MARK2: variants seen among roughly 807,000 people sequenced by gnomAD.
The protein encoded by MARK2 is microtubule affinity regulating kinase 2.
In MARK2, 16 loss-of-function variants were observed where a neutral mutation model predicts 89.8. That is an observed-to-expected ratio of 0.18 (90% CI 0.12 to 0.27). The LOEUF is 0.27. Among genes scored for constraint, MARK2 ranks in the 10% least tolerant of loss-of-function variants. The probability of loss-of-function intolerance (pLI) is 1.00; values close to 1 mark genes in which losing one functional copy is unlikely to be tolerated. For missense variants in MARK2, 621 were observed against 1,049.9 expected (o/e 0.59, Z 5.65); for synonymous variants, 382 against 399.5 (o/e 0.96, Z 0.52).
In MARK2 at chr11:63,900,750, C is replaced by T. The variant is rs759868280; in HGVS notation, c.889-30C>T. 2 of 1,613,886 alleles carry T rather than the reference C, an allele frequency of 1.2e-6. No individual in the cohort carries two copies. Among genetic ancestry groups the T allele is most frequent in the East Asian group, 4.5e-5 (2 of 44,876 alleles). ...AAACTTTCCAGCTGAGTTTCTTCCC[C>T]CTGCCCTTTTCCTTCTCTGTGCTCC... On this transcript the variant is annotated intron_variant, in intron 9 of 18. Transcript: ENST00000402010. The surrounding 1 kb of genome is among the most constrained non-coding windows in gnomAD (Gnocchi z 4.7).
intron 1 of MARK2, among the ~76,000 whole-genome samples, chr11:63,866,793 A>AT (rs1938159914): frequency 6.6e-6 from 1 of 152,148 alleles, no homozygotes; most frequent in African/African-American, 2.4e-5. Flanking sequence ...CCCATTTAAG[A>AT]TAGGAGAACT....
chr11:63,885,597 G>C (rs1232543145), intron 1 of MARK2, among the ~76,000 whole-genome samples: 1 of 152,016 alleles, frequency 6.6e-6, no homozygotes, highest in Non-Finnish European at 1.5e-5. Flanking sequence ...CACTTTGGGA[G>C]GCTGGGGCGG....
At chr11:63,842,948 C>T (rs1035552589) in intron 1 of MARK2, among the ~76,000 whole-genome samples, 1 of 151,554 alleles carries the variant, frequency 6.6e-6, no homozygotes, top group Non-Finnish European at 1.5e-5. Context: ...ATAAACCTTG[C>T]GTTACAGGGA....
At chr11:63,876,792 A>C (rs1237313591) in intron 1 of MARK2, among the ~76,000 whole-genome samples, 1 of 152,328 alleles carries the variant, frequency 6.6e-6, no homozygotes, top group Non-Finnish European at 1.5e-5. Context: ...CAAAACACCC[A>C]GCATTCCCTT....
chr11:63,856,946 G>T (rs768058141), intron 1 of MARK2, among the ~76,000 whole-genome samples: 37 of 150,628 alleles, frequency 2.5e-4, no homozygotes, highest in Non-Finnish European at 4.3e-4. Flanking sequence ...TAGCTGGGAG[G>T]GACTACAGGC....
intron 1 of MARK2, among the ~76,000 whole-genome samples, chr11:63,894,701 A>G (rs772150516): frequency 1.3e-5 from 2 of 152,224 alleles, no homozygotes; most frequent in Non-Finnish European, 2.9e-5. Context: ...TGTCTCAAAA[A>G]AATAAATAAA....
chr11:63,902,971 C>A lies in MARK2; in HGVS notation c.1417-90C>A. 2 of 1,214,768 alleles carry A rather than the reference C, an allele frequency of 1.6e-6. No homozygotes were observed. Among genetic ancestry groups the A allele is most frequent in the Non-Finnish European group, 2.4e-6 (2 of 822,644 alleles). The allele number at this position is 1,214,768 out of a possible 1,614,324, so 75.2% of individuals were successfully genotyped here. A position where few individuals can be genotyped will look rare whatever the true frequency, so the allele number is the denominator to read the frequency against. The stretch of plus-strand genomic sequence containing the variant: ...CACTGTCTGCTTCAGGTGGAAGGGA[C>A]AGGAAGCCTGTTCCATGAACCTGGG... On this transcript the variant is annotated intron_variant, in intron 13 of 18. Coordinates refer to ENST00000402010, the MANE Select transcript of MARK2 (RefSeq NM_001039469.3). This position sits in a 1 kb window ranked among gnomAD's most constrained non-coding sequence, Gnocchi z 4.2.
At chr11:63,856,674 C>T (rs1429453687) in intron 1 of MARK2, among the ~76,000 whole-genome samples, 14 of 151,442 alleles carry the variant, frequency 9.2e-5, no homozygotes, top group African/African-American at 2.9e-4. Flanking sequence ...CCGCCAACCT[C>T]GGCCTCCCAA....
intron 11 of MARK2, among the ~76,000 whole-genome samples, chr11:63,901,605 A>G (rs886131999): frequency 3.5e-4 from 48 of 138,834 alleles, no homozygotes; most frequent in Non-Finnish European, 6.0e-5. Context: ...CAGCCTCCCA[A>G]GTAGCTGGGA....
In MARK2 at chr11:63,875,237, C is replaced by T. The variant is rs143714089; in HGVS notation, c.55-19922C>T. ...CCAGGTTCAAGCGATTCTCCTGCCT[C>T]AGCCTCTTGAGTACCTGGGATTACA... is the stretch of plus-strand genomic sequence containing the variant. On this transcript the variant is annotated intron_variant, in intron 1 of 18. Coordinates refer to ENST00000402010, the MANE Select transcript of MARK2 (RefSeq NM_001039469.3). Among the ~76,000 whole-genome samples the T allele has an allele frequency of 4.1e-3, 627 of 151,784 alleles. 6 individuals carry two copies. Among genetic ancestry groups the T allele is most frequent in the African/African-American group, 0.015 (606 of 41,326 alleles).
intron 1 of MARK2, among the ~76,000 whole-genome samples, chr11:63,862,867 C>CA (rs5792302): frequency 0.59 from 89,232 of 151,558 alleles, 27,334 homozygotes; most frequent in East Asian, 0.89. Context: ...CACTCCCCAC[C>CA]AAAAAAAACC....
chr11:63,890,118 GC>G, intron 1 of MARK2: 1 of 518,588 alleles, frequency 1.9e-6, no homozygotes, highest in Non-Finnish European at 3.4e-6. Flanking sequence ...CAGGGAAGAA[GC>G]TAGGTGAGGA....
In MARK2 at chr11:63,839,178, A is replaced by G. The variant is rs1340164796; in HGVS notation, c.-329A>G. ...GCTGCCTGTGTGCCGGGCGCGGAGC[A>G]GTGCCGCTGAGGGCAGGGGAGGAGC... On this transcript the variant is annotated 5_prime_UTR_variant, in exon 1 of 19. Transcript: ENST00000402010. The G allele has an allele frequency of 9.7e-6, 2 of 207,110 alleles. No individual in the cohort carries two copies. Among genetic ancestry groups the G allele is most frequent in the African/African-American group, 2.3e-5 (1 of 42,684 alleles). 12.8% of individuals were successfully genotyped at this position (207,110 alleles called of 1,614,324 possible). A position where few individuals can be genotyped will look rare whatever the true frequency, so the allele number is the denominator to read the frequency against.
intron 2 of MARK2, 96 bp downstream of exon 2, chr11:63,895,434 T>C: frequency 2.0e-6 from 3 of 1,472,298 alleles, no homozygotes; most frequent in East Asian, 4.5e-5. Flanking sequence ...ACCTCTTGTT[T>C]ATCCGGCAGA....
intron 1 of MARK2, among the ~76,000 whole-genome samples, chr11:63,876,290 A>T (rs1395828322): frequency 6.6e-6 from 1 of 152,190 alleles, no homozygotes; most frequent in Non-Finnish European, 1.5e-5. Context: ...CCTTTTGGAG[A>T]TACAGAGAAT....
intron 1 of MARK2, among the ~76,000 whole-genome samples, chr11:63,857,487 T>C (rs2016925227): frequency 6.6e-6 from 1 of 152,236 alleles, no homozygotes; most frequent in Non-Finnish European, 1.5e-5. Flanking sequence ...GCCTGTTTTT[T>C]GGTCAGCTGT....
chr11:63,879,372 T>C (rs1938961621), intron 1 of MARK2, among the ~76,000 whole-genome samples: 1 of 152,056 alleles, frequency 6.6e-6, no homozygotes, highest in Admixed American at 6.6e-5. Context: ...AAGTAAGTTG[T>C]CCTCCTATAT....
chr11:63,839,436 C>T lies in MARK2; in HGVS notation c.-71C>T, dbSNP rs917214589. 3.0e-5 allele frequency: 29 copies of T among 960,098 alleles called. No homozygotes were observed. The highest frequency in any genetic ancestry group is 4.3e-5 in the Non-Finnish European group (27 of 628,080). The allele number at this position is 960,098 out of a possible 1,614,324, so 59.5% of individuals were successfully genotyped here. ...TCCTGCTGTGAGAAGCCCCGCCCGG[C>T]CGGGCTCCGCGCCTTCCCTTCCCTC... On this transcript the variant is annotated 5_prime_UTR_variant, in exon 1 of 19. Coordinates refer to ENST00000402010, the MANE Select transcript of MARK2 (RefSeq NM_001039469.3).
chr11:63,886,700 A>G (rs1173380757), intron 1 of MARK2, among the ~76,000 whole-genome samples: 1 of 152,198 alleles, frequency 6.6e-6, no homozygotes, highest in Non-Finnish European at 1.5e-5. Flanking sequence ...CTGGGATTAC[A>G]TGGTGGGGGC....
Sources: gnomAD v4.1 joint callset for allele counts (sites outside exome capture counted in the v4.1 genomes callset) on GRCh38, gnomAD v4.1.1 for gene constraint, Gnocchi (gnomAD v3.1) non-coding constraint, MANE v1.5 for transcripts, NCBI Gene and HGNC (gene_info 2026-07-23, HGNC 2026-07-21) for gene names.